The following AMOTL1 variants were observed in gnomAD, a reference collection of about 807,000 sequenced individuals.
The protein encoded by AMOTL1 is angiomotin like 1, also known as angiomotin-like protein 1.
In AMOTL1, 45 loss-of-function variants were observed where a neutral mutation model predicts 102.9. The observed-to-expected ratio is 0.44, with a 90% CI of 0.34 to 0.56. The LOEUF (loss-of-function observed/expected upper bound fraction) is 0.56. AMOTL1 is among the 20% of genes least tolerant of loss of function. The pLI, the probability that AMOTL1 is intolerant of heterozygous loss-of-function variation, is 0.01. For synonymous variants in AMOTL1, 481 were observed against 484.7 expected, an observed-to-expected ratio of 0.99 and a Z score of 0.10; for missense variants, 1,114 against 1,225.6, an observed-to-expected ratio of 0.91 and a Z score of 1.36.
At chr11:94,768,586 G>A (rs753001354) in intron 1 of AMOTL1, 26 bp downstream of exon 1, 2 of 1,579,638 alleles carry the variant, frequency 1.3e-6, no homozygotes, top group Admixed American at 1.8e-5. Context: ...TCGAGGTGCC[G>A]GGAGGGCGTC....
chr11:94,824,644 T>G (rs1404854130), intron 4 of AMOTL1, among the ~76,000 whole-genome samples: 2 of 152,178 alleles, frequency 1.3e-5, no homozygotes, highest in African/African-American at 4.8e-5. Flanking sequence ...CCACTCAGTG[T>G]AGCTGCCTGA....
chr11:94,742,296 T>A (rs1467093109), intron 3 of AMOTL1, among the ~76,000 whole-genome samples: 3 of 152,392 alleles, frequency 2.0e-5, no homozygotes, highest in Non-Finnish European at 4.4e-5. Context: ...AGGTACTCGA[T>A]GATCTGCTCC....
At chr11:94,724,751 T>A (rs185852293) in intron 1 of AMOTL1, among the ~76,000 whole-genome samples, 16 of 152,310 alleles carry the variant, frequency 1.1e-4, no homozygotes, top group African/African-American at 3.8e-4. Flanking sequence ...TTAGTATTTA[T>A]CAAATGAATG....
chr11:94,852,509 C>G (rs545456424), intron 7 of AMOTL1, among the ~76,000 whole-genome samples: 3 of 152,210 alleles, frequency 2.0e-5, no homozygotes, highest in Non-Finnish European at 4.4e-5. Context: ...ATGCCTAAGC[C>G]TGATTTTTGG....
intron 10 of AMOTL1, 56 bp from the exon 11 acceptor site, chr11:94,865,886 T>G (rs1952872406): frequency 2.0e-6 from 3 of 1,478,282 alleles, no homozygotes; most frequent in Admixed American, 3.8e-5. Context: ...GATAAATGTT[T>G]CAAGTTTTTC....
chr11:94,806,598 C>T (rs775293384), intron 3 of AMOTL1, among the ~76,000 whole-genome samples: 2 of 152,146 alleles, frequency 1.3e-5, no homozygotes, highest in Non-Finnish European at 2.9e-5. Flanking sequence ...TCAGGAGTTT[C>T]TCCGGTATTT....
chr11:94,824,232 C>T (rs1287028617), intron 4 of AMOTL1, among the ~76,000 whole-genome samples: 1 of 152,120 alleles, frequency 6.6e-6, no homozygotes, highest in South Asian at 2.1e-4. Flanking sequence ...ATAAATTGTT[C>T]TACAAGTACA....
intron 3 of AMOTL1, among the ~76,000 whole-genome samples, chr11:94,801,930 A>T (rs574661667): frequency 1.3e-5 from 2 of 152,298 alleles, no homozygotes; most frequent in African/African-American, 4.8e-5. Flanking sequence ...AAATTGAACA[A>T]GCCAGGGTTT....
intron 12 of AMOTL1, 52 bp from the exon 13 acceptor site, chr11:94,870,637 C>T (rs1360333207): frequency 3.7e-5 from 54 of 1,447,174 alleles, no homozygotes; most frequent in Middle Eastern, 1.8e-4. Context: ...ACCTGGAAAG[C>T]CTATGCCCCT....
chr11:94,852,718 T>G (rs1475541712), intron 7 of AMOTL1, among the ~76,000 whole-genome samples: 2 of 152,250 alleles, frequency 1.3e-5, no homozygotes, highest in Non-Finnish European at 2.9e-5. Flanking sequence ...TTGTTGAATA[T>G]TCACTGTGCA....
Position 94,799,298 on chromosome 11 carries a change from G to T in AMOTL1, c.200-92G>T, listed in dbSNP as rs796587178. ...TGAAATCTTATTTTTAAATGTTGCT[G>T]TAGTTAGAATGTTAATTATGTACCA... On this transcript the variant is annotated intron_variant, in intron 2 of 12. Transcript: ENST00000433060. This position sits in a 1 kb window ranked among gnomAD's most constrained non-coding sequence, Gnocchi z 4.5. 3.8e-6 allele frequency: 4 copies of T among 1,040,686 alleles called. No individual in the cohort carries two copies. In the East Asian group the frequency reaches 7.8e-5, roughly 20 times the overall value. The allele number at this position is 1,040,686 out of a possible 1,614,324, so 64.5% of individuals were successfully genotyped here.
At chr11:94,857,285 C>T (rs1334002598) in intron 8 of AMOTL1, among the ~76,000 whole-genome samples, 1 of 152,220 alleles carries the variant, frequency 6.6e-6, no homozygotes, top group Non-Finnish European at 1.5e-5. Context: ...TCATTGCCAT[C>T]ATTACCTTCA....
chr11:94,715,462 C>T lies in AMOTL1; in HGVS notation c.-51+8865C>T, dbSNP rs571606249. Among the ~76,000 whole-genome samples the T allele has an allele frequency of 3.6e-4, 55 of 152,106 alleles. 1 individual carries two copies. Among genetic ancestry groups the T allele is most frequent in the Non-Finnish European group, 4.1e-4 (28 of 68,000 alleles). ...CTGGGATTATAGGTGTGACTCACTG[C>T]ACCCAGCCCCAGCCTTCCTTTGTTC... On this transcript the variant is annotated intron_variant, in intron 1 of 4. Transcript: ENST00000299004.
In AMOTL1 at chr11:94,810,602, A is replaced by G. The variant is rs190665448; in HGVS notation, c.1121+10291A>G. Among the ~76,000 whole-genome samples the G allele has an allele frequency of 2.0e-4, 30 of 152,066 alleles. No homozygotes were observed. The East Asian group carries it at 5.2e-3, about 26-fold the overall frequency. ...TATCTGTTTACACTCTTGGGGTTCC[A>G]TAAGGAAAAACAGAGGTTTCTCCCC... On this transcript the variant is annotated intron_variant, in intron 3 of 12. Coordinates refer to ENST00000433060, the MANE Select transcript of AMOTL1 (RefSeq NM_130847.3).
At position 94,869,269 on chromosome 11, in the gene AMOTL1, C is replaced by T. The variant is rs1290157411; in HGVS notation, c.2560C>T (p.Leu854=). The T allele has an allele frequency of 2.5e-6, 4 of 1,613,184 alleles. No homozygotes were observed. Among genetic ancestry groups the T allele is most frequent in the East Asian group, 2.2e-5 (1 of 44,872 alleles). Residue 854 remains leucine, a synonymous_variant, in exon 12 of 13, where the codon CTG becomes TTG. Coordinates refer to ENST00000433060, the MANE Select transcript of AMOTL1 (RefSeq NM_130847.3). ...PLLPPPPTSA[L]SSIASTTAAS... Reference sequence around the variant, plus strand: ...GCTGCCACCCCCACCCACCTCAGCACTGTCCTCCATAGCCTCCACTACGGC... The same window carrying T: ...GCTGCCACCCCCACCCACCTCAGCATTGTCCTCCATAGCCTCCACTACGGC...
chr11:94,728,928 C>T, exon 2 of AMOTL1: 1 of 1,232,246 alleles, frequency 8.1e-7, no homozygotes, highest in Non-Finnish European at 1.1e-6. Context: ...CAGGAGATTG[C>T]TTCCATTTGA....
At position 94,871,159 on chromosome 11, in the gene AMOTL1, G is replaced by T. The variant is rs1421310660; in HGVS notation, c.*364G>T. 1 of 163,584 alleles carries T rather than the reference G, an allele frequency of 6.1e-6. No homozygotes were observed. Among genetic ancestry groups the T allele is most frequent in the African/African-American group, 2.4e-5 (1 of 41,866 alleles). 10.1% of individuals were successfully genotyped at this position (163,584 alleles called of 1,614,324 possible). ...ATAAACCCAAATGTGGATCATCCTT[G>T]GAATACCCCCATTCTCCTTGCCTCT... On this transcript the variant is annotated 3_prime_UTR_variant, in exon 13 of 13. Coordinates refer to ENST00000433060, the MANE Select transcript of AMOTL1 (RefSeq NM_130847.3).
chr11:94,710,571 G>C (rs2135427313), intron 1 of AMOTL1, among the ~76,000 whole-genome samples: 1 of 152,350 alleles, frequency 6.6e-6, no homozygotes, highest in South Asian at 2.1e-4. Context: ...AACAGTGGCA[G>C]TAGTGACAGC....
intron 3 of AMOTL1, among the ~76,000 whole-genome samples, chr11:94,758,504 C>T (rs1242404910): frequency 5.3e-5 from 8 of 152,146 alleles, no homozygotes; most frequent in Non-Finnish European, 8.8e-5. Flanking sequence ...CTTAGTTTGC[C>T]AGTACACTTC....
Sources: gnomAD v4.1 joint callset for allele counts (sites outside exome capture counted in the v4.1 genomes callset) on GRCh38, gnomAD v4.1.1 for gene constraint, Gnocchi (gnomAD v3.1) non-coding constraint, MANE v1.5 for transcripts, NCBI Gene and HGNC (gene_info 2026-07-23, HGNC 2026-07-21) for gene names.